The following ITGA11 variants were observed in gnomAD, a reference collection of about 807,000 sequenced individuals.
The protein encoded by ITGA11 is integrin subunit alpha 11, also known as integrin alpha-11.
A neutral mutation model predicts 141.9 loss-of-function variants in ITGA11; 97 were observed. The observed-to-expected ratio is 0.68, with a 90% CI of 0.58 to 0.81. ITGA11 has a LOEUF of 0.81. Ranked by LOEUF, ITGA11 falls within the 30% of genes least tolerant of loss-of-function variation. The pLI is 0.00. For synonymous variants in ITGA11, 658 were observed against 624.6 expected, an observed-to-expected ratio of 1.05 and a Z score of -0.80; for missense variants, 1,387 against 1,559.2, an observed-to-expected ratio of 0.89 and a Z score of 1.86.
At chr15:68,346,664 C>A (rs559392238) in intron 10 of ITGA11, among the ~76,000 whole-genome samples, 1 of 152,184 alleles carries the variant, frequency 6.6e-6, no homozygotes. Context: ...CAGGATGTCA[C>A]CCAGTGTGTG....
intron 1 of ITGA11, among the ~76,000 whole-genome samples, chr15:68,428,801 ACAC>A (rs751586074): frequency 1.1e-4 from 16 of 152,072 alleles, no homozygotes; most frequent in South Asian, 4.1e-4. Context: ...CTCCTTTTCC[ACAC>A]CACAATACAC....
chr15:68,342,039 G>C (rs1567136573), intron 10 of ITGA11, among the ~76,000 whole-genome samples: 2 of 152,208 alleles, frequency 1.3e-5, no homozygotes, highest in Non-Finnish European at 2.9e-5. Flanking sequence ...TGAGGATGGG[G>C]ACACTGTGAG....
intron 1 of ITGA11, among the ~76,000 whole-genome samples, chr15:68,425,745 T>A (rs935926471): frequency 6.6e-6 from 1 of 152,212 alleles, no homozygotes; most frequent in Non-Finnish European, 1.5e-5. Flanking sequence ...TGAGGCCCAG[T>A]CCTCTGATCT....
At chr15:68,357,440 T>C in intron 6 of ITGA11, 141 bp from the exon 7 acceptor site, 11 of 986,874 alleles carry the variant, frequency 1.1e-5, no homozygotes, top group Non-Finnish European at 1.6e-5. Flanking sequence ...TCCAAGAAAG[T>C]AACCACAGCC....
intron 1 of ITGA11, among the ~76,000 whole-genome samples, chr15:68,412,370 G>A (rs903818713): frequency 1.3e-5 from 2 of 152,104 alleles, no homozygotes; most frequent in African/African-American, 2.4e-5. Flanking sequence ...GTGGCCTAAC[G>A]AGCAAATCAT....
chr15:68,358,546 C>A lies in ITGA11; in HGVS notation c.512G>T (p.Gly171Val). ...CACCCAGGGGTAGATGCTGTTGGAGCCATCCAGGACAATGACGATGTCCAT... is the reference window on the plus strand; with the variant it reads ...CACCCAGGGGTAGATGCTGTTGGAGACATCCAGGACAATGACGATGTCCAT... Reference protein sequence around the residue: ...TYMDIVIVLDGSNSIYPWVEV... With the variant: ...TYMDIVIVLDVSNSIYPWVEV... Residue 171 changes from glycine to valine, a missense_variant, in exon 6 of 30, where the codon GGC becomes GTC. Physicochemically the swap from Gly to Val is moderately radical, Grantham distance 109. Coordinates refer to ENST00000315757, the MANE Select transcript of ITGA11 (RefSeq NM_001004439.2). The A allele has an allele frequency of 6.2e-7, 1 of 1,614,008 alleles. No homozygotes were observed. The highest frequency in any genetic ancestry group is 8.5e-7 in the Non-Finnish European group (1 of 1,179,954).
rs147171303 is a variant in ITGA11, at chr15:68,330,270, C to T, written c.1901+711G>A. The stretch of plus-strand genomic sequence containing the variant: ...TGAAGTTATATATTTCTGTTCAATG[C>T]CTTTTTAAAGTTGTAGGCAAATATG... On this transcript the variant is annotated intron_variant, in intron 15 of 29. Coordinates refer to ENST00000315757, the MANE Select transcript of ITGA11 (RefSeq NM_001004439.2). Among the ~76,000 whole-genome samples the T allele has an allele frequency of 2.6e-5, 4 of 152,252 alleles. No homozygotes were observed. The East Asian group carries it at 7.7e-4, about 29-fold the overall frequency.
At chr15:68,369,361 G>A (rs1895519854) in intron 2 of ITGA11, 77 bp from the exon 3 acceptor site, 6 of 588,482 alleles carry the variant, frequency 1.0e-5, no homozygotes, top group Middle Eastern at 6.0e-4. Context: ...CTGGTGGGCA[G>A]TGTGGAGGTG....
At chr15:68,334,863 G>T (rs1894294657) in intron 12 of ITGA11, among the ~76,000 whole-genome samples, 1 of 152,228 alleles carries the variant, frequency 6.6e-6, no homozygotes, top group Non-Finnish European at 1.5e-5. Flanking sequence ...CCCTGGGTGA[G>T]TGTGGGCAGG....
chr15:68,355,252 A>G (rs35562050), intron 7 of ITGA11, among the ~76,000 whole-genome samples: 3,473 of 152,308 alleles, frequency 0.023, 54 homozygotes, highest in South Asian at 0.035. Flanking sequence ...AAAATGGCCC[A>G]TTCCTTATGA....
At chr15:68,418,746 C>A (rs1896949824) in intron 1 of ITGA11, among the ~76,000 whole-genome samples, 1 of 151,890 alleles carries the variant, frequency 6.6e-6, no homozygotes. Flanking sequence ...TGAGTCCCTC[C>A]CTTTCCTGGC....
chr15:68,384,864 C>G (rs1272744531), intron 2 of ITGA11, among the ~76,000 whole-genome samples: 1 of 150,264 alleles, frequency 6.7e-6, no homozygotes, highest in Non-Finnish European at 1.5e-5. Context: ...CAGCAACAAC[C>G]AAGGCTGCCC....
chr15:68,361,471 G>C, intron 5 of ITGA11, 119 bp downstream of exon 5: 2 of 674,644 alleles, frequency 3.0e-6, no homozygotes, highest in South Asian at 1.7e-5. Flanking sequence ...GGAGAGCTGG[G>C]GCAGGACAGT....
At chr15:68,384,309 G>C (rs1310548918) in intron 2 of ITGA11, among the ~76,000 whole-genome samples, 2 of 150,306 alleles carry the variant, frequency 1.3e-5, no homozygotes, top group African/African-American at 4.9e-5. Context: ...AAGGAGAGAA[G>C]AGGAAAAAAA....
chr15:68,365,265 A>C (rs1438434300), intron 3 of ITGA11: 1 of 985,284 alleles, frequency 1.0e-6, no homozygotes, highest in Non-Finnish European at 1.2e-6. Context: ...TCATCTGAAC[A>C]ATCAACATGT....
intron 2 of ITGA11, among the ~76,000 whole-genome samples, chr15:68,372,798 A>T (rs12595779): frequency 0.058 from 8,812 of 152,114 alleles, 448 homozygotes; most frequent in African/African-American, 0.13. Context: ...CACCCTCTCC[A>T]ACAAGGCTCT....
At position 68,432,091 on chromosome 15, in the gene ITGA11, C is replaced by G; in HGVS notation, c.-25G>C. ...TGGCCCGCGGCACGGCGGCTGGGTC[C>G]GGTGTGCAGCGGCGGCGGGGGGCGG... On this transcript the variant is annotated 5_prime_UTR_variant, in exon 1 of 30. Transcript: ENST00000315757. 2.9e-6 allele frequency: 4 copies of G among 1,360,024 alleles called. No homozygotes were observed. The highest frequency in any genetic ancestry group is 2.8e-6 in the Non-Finnish European group (3 of 1,058,950). The allele number at this position is 1,360,024 out of a possible 1,614,324, so 84.2% of individuals were successfully genotyped here.
intron 1 of ITGA11, 34 bp from the exon 2 acceptor site, chr15:68,403,063 G>A: frequency 1.4e-6 from 2 of 1,435,208 alleles, no homozygotes; most frequent in Non-Finnish European, 2.0e-6. Flanking sequence ...AGAAGCAGGG[G>A]AGTCAGACAG....
Position 68,403,022 on chromosome 15 carries a change from C to G in ITGA11, c.60G>C (p.Thr20=). 1 of 1,610,918 alleles carries G rather than the reference C, an allele frequency of 6.2e-7. No homozygotes were observed. The highest frequency in any genetic ancestry group is 1.1e-5 in the South Asian group (1 of 90,696). Residue 20 remains threonine (T), a synonymous_variant, in exon 2 of 30, where the codon ACG becomes ACC. Coordinates refer to ENST00000315757, the MANE Select transcript of ITGA11 (RefSeq NM_001004439.2). ...TCCTGGTGTCCATGTTGAAGGTGTCCGTGAACCCTGAGGCAGGGGGAGAGG... is the reference window on the plus strand; with the variant it reads ...TCCTGGTGTCCATGTTGAAGGTGTCGGTGAACCCTGAGGCAGGGGGAGAGG... The part of the protein sequence containing the change: ...AWALSLWPGF[T]DTFNMDTRKP...
Sources: allele counts gnomAD v4.1 joint callset (sites outside exome capture counted in the v4.1 genomes callset), GRCh38; gene constraint gnomAD v4.1.1; transcripts MANE v1.5; gene names NCBI Gene and HGNC (gene_info 2026-07-23, HGNC 2026-07-21).